The following PRKG1 variants were observed in gnomAD, a reference collection of about 807,000 sequenced individuals.
PRKG1 encodes the protein cGMP-dependent protein kinase 1.
A neutral mutation model predicts 88.1 loss-of-function variants in PRKG1; 35 were observed. The ratio of observed to expected loss-of-function variants is 0.40; its 90% CI spans 0.30 to 0.53. PRKG1 has a LOEUF of 0.53. Ranked by LOEUF, PRKG1 falls within the 20% of genes least tolerant of loss-of-function variation. The probability of loss-of-function intolerance (pLI) is 0.59; values close to 1 mark genes in which losing one functional copy is unlikely to be tolerated. For missense variants in PRKG1, 540 were observed against 839.8 expected, an observed-to-expected ratio of 0.64 and a Z score of 4.41; for synonymous variants, 303 against 292.5, an observed-to-expected ratio of 1.04 and a Z score of -0.37.
chr10:51,514,585 C>T (rs1841523015), intron 3 of PRKG1, among the ~76,000 whole-genome samples: 1 of 152,200 alleles, frequency 6.6e-6, no homozygotes, highest in Admixed American at 6.5e-5. Context: ...CTTCCAAAGA[C>T]TTGAAGTCAG....
chr10:51,483,818 A>G (rs777398285), intron 3 of PRKG1, among the ~76,000 whole-genome samples: 11 of 152,234 alleles, frequency 7.2e-5, no homozygotes, highest in Admixed American at 2.0e-4. Flanking sequence ...CAGGGTTTCA[A>G]ACAATCAGCA....
chr10:51,888,665 G>T (rs980764591), intron 4 of PRKG1, among the ~76,000 whole-genome samples: 19 of 152,152 alleles, frequency 1.2e-4, no homozygotes, highest in Non-Finnish European at 8.8e-5. Flanking sequence ...TCCAGGCACT[G>T]GTTGATTGAG....
intron 3 of PRKG1, among the ~76,000 whole-genome samples, chr10:51,517,986 A>G (rs1055793978): frequency 1.3e-5 from 2 of 152,066 alleles, no homozygotes; most frequent in Non-Finnish European, 2.9e-5. Flanking sequence ...GTTACTTCCT[A>G]CTTAACAGGA....
intron 3 of PRKG1, among the ~76,000 whole-genome samples, chr10:51,674,062 G>A (rs1188423961): frequency 6.6e-6 from 1 of 152,080 alleles, no homozygotes; most frequent in Non-Finnish European, 1.5e-5. Context: ...AGAGACTTTT[G>A]TCTCTTTCTA....
intron 10 of PRKG1, among the ~76,000 whole-genome samples, chr10:52,269,335 C>G (rs754071490): frequency 2.6e-5 from 4 of 152,064 alleles, no homozygotes; most frequent in Non-Finnish European, 5.9e-5. Context: ...TTATTTGTAG[C>G]ACACTAATCT....
intron 8 of PRKG1, among the ~76,000 whole-genome samples, chr10:52,139,057 G>A (rs555656178): frequency 2.0e-5 from 3 of 152,044 alleles, no homozygotes; most frequent in African/African-American, 7.2e-5. Context: ...CCAGACTGGA[G>A]CCTAAGTATT....
chr10:52,261,477 AGT>A (rs368361111), intron 10 of PRKG1, among the ~76,000 whole-genome samples: 2 of 150,120 alleles, frequency 1.3e-5, no homozygotes, highest in Non-Finnish European at 3.0e-5. Context: ...TGTGTGTGTG[AGT>A]GTGTGTGTGT....
At chr10:51,222,122 GCC>G (rs747668688) in intron 2 of PRKG1, among the ~76,000 whole-genome samples, 3 of 114,436 alleles carry the variant, frequency 2.6e-5, no homozygotes, top group African/African-American at 1.5e-4. Flanking sequence ...CGTGATCCGC[GCC>G]CCCCCCCGAC....
intron 5 of PRKG1, among the ~76,000 whole-genome samples, chr10:52,028,564 G>C (rs1845401483): frequency 6.6e-6 from 1 of 152,272 alleles, no homozygotes; most frequent in East Asian, 1.9e-4. Context: ...TCATTGTTCT[G>C]TATAACATGT....
intron 5 of PRKG1, among the ~76,000 whole-genome samples, chr10:51,962,476 TTTTTCTTTTC>T (rs891095736): frequency 3.9e-5 from 6 of 152,106 alleles, no homozygotes; most frequent in Admixed American, 6.6e-5. Flanking sequence ...TCCAGATTTC[TTTTTCTTTTC>T]TTTTCTTTTC....
At chr10:51,408,115 CT>C (rs1234412682) in intron 2 of PRKG1, among the ~76,000 whole-genome samples, 14 of 152,284 alleles carry the variant, frequency 9.2e-5, no homozygotes, top group African/African-American at 2.6e-4. Flanking sequence ...ACTTCCACCC[CT>C]TGATTCCTGG....
chr10:52,021,263 T>C (rs143764798), intron 5 of PRKG1, among the ~76,000 whole-genome samples: 5 of 152,252 alleles, frequency 3.3e-5, no homozygotes, highest in African/African-American at 1.2e-4. Context: ...AAGGCAGCCA[T>C]GTATGATATG....
intron 2 of PRKG1, among the ~76,000 whole-genome samples, chr10:51,335,138 G>A (rs982449760): frequency 2.7e-5 from 4 of 148,458 alleles, no homozygotes; most frequent in Non-Finnish European, 5.9e-5. Context: ...TCAGCCACCC[G>A]AGGAGCTGGG....
At chr10:51,963,662 G>A (rs758232096) in intron 5 of PRKG1, among the ~76,000 whole-genome samples, 1 of 151,910 alleles carries the variant, frequency 6.6e-6, no homozygotes, top group Admixed American at 6.6e-5. Flanking sequence ...TGGCCAGGCT[G>A]GTCTCGAACT....
chr10:51,744,592 A>G (rs954712481), intron 3 of PRKG1, among the ~76,000 whole-genome samples: 4 of 152,224 alleles, frequency 2.6e-5, no homozygotes, highest in African/African-American at 9.6e-5. Flanking sequence ...TATTTCATGT[A>G]TAATTTTCTT....
At chr10:51,245,348 G>A (rs538658670) in intron 2 of PRKG1, 1 of 152,166 alleles carries the variant, frequency 6.6e-6, no homozygotes, top group South Asian at 2.1e-4. Flanking sequence ...AAGTGCCAAT[G>A]CATCTTTCAA....
chr10:51,950,039 ATTAC>A (rs1843147406), intron 5 of PRKG1, among the ~76,000 whole-genome samples: 1 of 152,178 alleles, frequency 6.6e-6, no homozygotes, highest in Non-Finnish European at 1.5e-5. Context: ...CATTTTAGCA[ATTAC>A]TTTTCTTGAT....
At chr10:51,069,736 C>A (rs1307270852), upstream of PRKG1, among the ~76,000 whole-genome samples, 1 of 151,954 alleles carries the variant, frequency 6.6e-6, no homozygotes, top group African/African-American at 2.4e-5. Flanking sequence ...ATGTGGAAAG[C>A]AAAATTTGAA....
intron 2 of PRKG1, among the ~76,000 whole-genome samples, chr10:51,405,418 C>T (rs1243870340): frequency 1.3e-5 from 2 of 152,106 alleles, no homozygotes; most frequent in Admixed American, 1.3e-4. Context: ...CAGACAAATA[C>T]CACTAGTCAA....
Sources: gnomAD v4.1 joint callset for allele counts (sites outside exome capture counted in the v4.1 genomes callset) on GRCh38, gnomAD v4.1.1 for gene constraint, MANE v1.5 for transcripts, NCBI Gene and HGNC (gene_info 2026-07-23, HGNC 2026-07-21) for gene names.